The following ENPEP variants were observed in gnomAD, a reference collection of about 807,000 sequenced individuals.
The protein encoded by ENPEP is glutamyl aminopeptidase.
Under a neutral mutation model 114.5 loss-of-function variants are expected in ENPEP, and 103 were observed. The ratio of observed to expected loss-of-function variants is 0.90; its 90% CI spans 0.77 to 1.06. The LOEUF is 1.06. ENPEP is among the 50% of genes least tolerant of loss of function. ENPEP has a pLI of 0.00. For synonymous variants in ENPEP, 420 were observed against 422.0 expected, an observed-to-expected ratio of 1.00 and a Z score of 0.06; for missense variants, 1,196 against 1,161.3, an observed-to-expected ratio of 1.03 and a Z score of -0.43.
At chr4:110,558,294 A>ATATATATATATATATATATATATAT (rs1727558733) in intron 18 of ENPEP, among the ~76,000 whole-genome samples, 1 of 128,792 alleles carries the variant, frequency 7.8e-6, no homozygotes, top group African/African-American at 2.8e-5. Context: ...ATATATATAT[A>ATATATATATATATATATATATATAT]AATTTTTTTT....
Position 110,491,028 on chromosome 4 carries a change from A to C in ENPEP, c.787-5A>C. 2 of 1,599,840 alleles carry C rather than the reference A, an allele frequency of 1.3e-6. No homozygotes were observed. Among genetic ancestry groups the C allele is most frequent in the South Asian group, 2.3e-5 (2 of 87,722 alleles). The stretch of plus-strand genomic sequence containing the variant: ...CGATAAAAGTTTATCTTTTCTTTTC[A>C]ATAGAAAGAAGAGTCAGTGGATGAT... On this transcript the variant is annotated splice_region_variant and splice_polypyrimidine_tract_variant and intron_variant, in intron 2 of 19. Coordinates refer to ENST00000265162, the MANE Select transcript of ENPEP (RefSeq NM_001977.4).
At chr4:110,525,997 C>T (rs939430565) in intron 10 of ENPEP, among the ~76,000 whole-genome samples, 2 of 151,960 alleles carry the variant, frequency 1.3e-5, no homozygotes, top group Non-Finnish European at 2.9e-5. Flanking sequence ...AAACTATGGC[C>T]GGGCGTGGTG....
chr4:110,561,612 C>G lies in ENPEP; in HGVS notation c.*54C>G. On this transcript the variant is annotated 3_prime_UTR_variant, in exon 20 of 20. Transcript: ENST00000265162. ...TGAATCTATTGTTTCTCCTCTGAAG[C>G]ATTTGGTGGCCTAATTTACAAGCAC... is the stretch of plus-strand genomic sequence containing the variant. The G allele has an allele frequency of 6.5e-7, 1 of 1,543,728 alleles. No homozygotes were observed. Among genetic ancestry groups the G allele is most frequent in the Non-Finnish European group, 8.8e-7 (1 of 1,137,108 alleles).
In ENPEP at chr4:110,549,113, T is replaced by G. The variant is rs531379957; in HGVS notation, c.2152-233T>G. ...CTAAGAAATAGGGGTTAAAAGGGCC[T>G]TACCCAAAGTTTTATAAAACATTAC... On this transcript the variant is annotated intron_variant, in intron 14 of 19. Transcript: ENST00000265162. Among the ~76,000 whole-genome samples the G allele has an allele frequency of 3.9e-5, 6 of 152,182 alleles. 1 individual carries two copies. The highest frequency in any genetic ancestry group is 1.4e-4 in the African/African-American group (6 of 41,546).
chr4:110,557,962 C>A (rs1014977994), intron 18 of ENPEP, among the ~76,000 whole-genome samples: 1 of 149,590 alleles, frequency 6.7e-6, no homozygotes, highest in African/African-American at 2.5e-5. Flanking sequence ...AAAATATTTG[C>A]TCTTTATCAT....
chr4:110,476,487 G>A lies in ENPEP; in HGVS notation c.73G>A (p.Val25Met). ...GAAACATGTGGCCATTCTCTGTGCG[G>A]TGGTGGTGGGTGTAGGATTAATAGT... ...QTKHVAILCA[V>M]VVGVGLIVGL... Residue 25 changes from valine (V) to methionine (M), a missense_variant, in exon 1 of 20, where the codon GTG (valine) becomes ATG (methionine). Physicochemically the swap from Val to Met is conservative, Grantham distance 21. Coordinates refer to ENST00000265162, the MANE Select transcript of ENPEP (RefSeq NM_001977.4). 1 of 1,578,722 alleles carries A rather than the reference G, an allele frequency of 6.3e-7. No homozygotes were observed. The highest frequency in any genetic ancestry group is 8.6e-7 in the Non-Finnish European group (1 of 1,158,872).
intron 8 of ENPEP, among the ~76,000 whole-genome samples, chr4:110,516,128 A>G (rs1725758839): frequency 6.6e-6 from 1 of 152,200 alleles, no homozygotes. Context: ...TACTGAGTAC[A>G]AGACTTTTCC....
chr4:110,558,708 A>C (rs962420361), intron 18 of ENPEP, among the ~76,000 whole-genome samples: 1 of 152,136 alleles, frequency 6.6e-6, no homozygotes, highest in African/African-American at 2.4e-5. Context: ...GGTTTCTTGC[A>C]CTGTGATTAG....
At position 110,549,851 on chromosome 4, in the gene ENPEP, A is replaced by G; in HGVS notation, c.2466A>G (p.Gly822=). 1.2e-6 allele frequency: 2 copies of G among 1,612,700 alleles called. No homozygotes were observed. Among genetic ancestry groups the G allele is most frequent in the South Asian group, 2.2e-5 (2 of 90,990 alleles). The part of the protein sequence containing the change: ...LAQEKEKLLY[G]LASVKNVTLL... ...AAGAAAAAGAAAAACTGCTGTATGGATTAGCATCAGTGAAGAACGTTACTC... is the reference window on the plus strand; with the variant it reads ...AAGAAAAAGAAAAACTGCTGTATGGGTTAGCATCAGTGAAGAACGTTACTC... The change falls in exon 17 of 20, where the codon GGA becomes GGG. Residue 822 remains glycine, a synonymous_variant. Coordinates refer to ENST00000265162, the MANE Select transcript of ENPEP (RefSeq NM_001977.4).
Position 110,477,512 on chromosome 4 carries a change from AT to A in ENPEP, c.644+464del, listed in dbSNP as rs568753070. On this transcript the variant is annotated intron_variant, in intron 1 of 19. Transcript: ENST00000265162. Reference sequence around the variant, plus strand: ...GTAAATTTCAGTTATTATTTTGTCCATTTTTTTTTTGTCCAATGTCTCTTTT... The same window carrying A: ...GTAAATTTCAGTTATTATTTTGTCCATTTTTTTTTGTCCAATGTCTCTTTT... Among the ~76,000 whole-genome samples the A allele has an allele frequency of 6.3e-4, 94 of 148,866 alleles. 2 individuals are homozygous for A. Among genetic ancestry groups the A allele is most frequent in the Admixed American group, 4.0e-3 (60 of 14,942 alleles).
At chr4:110,507,609 A>G (rs1263511015) in intron 4 of ENPEP, among the ~76,000 whole-genome samples, 1 of 152,252 alleles carries the variant, frequency 6.6e-6, no homozygotes, top group African/African-American at 2.4e-5. Flanking sequence ...TCTTCAATGG[A>G]TACAATTCTA....
rs959427230 is a variant in ENPEP, at chr4:110,542,903, G to A, written c.1944+16G>A. 3 of 1,610,684 alleles carry A rather than the reference G, an allele frequency of 1.9e-6. No individual in the cohort carries two copies. The highest frequency in any genetic ancestry group is 2.5e-6 in the Non-Finnish European group (3 of 1,178,706). On this transcript the variant is annotated intron_variant, in intron 12 of 19. Transcript: ENST00000265162. ...GAACCACAAGGTAAGAGATAGCAATGGTTGGAAACTTTTATTTTTGTTCTA... is the reference window on the plus strand; with the variant it reads ...GAACCACAAGGTAAGAGATAGCAATAGTTGGAAACTTTTATTTTTGTTCTA...
chr4:110,548,139 GTTTTTTTTTTTTTTT>G lies in ENPEP; in HGVS notation c.2001-26_2001-12del. Reference sequence around the variant, plus strand: ...GTCTGTGGTTTTTAATTAACTGTGAGTTTTTTTTTTTTTTTTTTTTTTTTTGTCTTTCTCAGAGCT... The same window carrying G: ...GTCTGTGGTTTTTAATTAACTGTGAGTTTTTTTTTTGTCTTTCTCAGAGCT... On this transcript the variant is annotated intron_variant, in intron 13 of 19. Coordinates refer to ENST00000265162, the MANE Select transcript of ENPEP (RefSeq NM_001977.4). 3 of 688,170 alleles carry G rather than the reference GTTTTTTTTTTTTTTT, an allele frequency of 4.4e-6. 1 individual carries two copies. The highest frequency in any genetic ancestry group is 5.6e-6 in the Non-Finnish European group (3 of 537,618). The allele number at this position is 688,170 out of a possible 1,614,324, so 42.6% of individuals were successfully genotyped here. A position where few individuals can be genotyped will look rare whatever the true frequency, so the allele number is the denominator to read the frequency against.
At position 110,564,033 on chromosome 4, in the gene ENPEP, G is replaced by T. The variant is rs898850307; in HGVS notation, c.*2475G>T. The T allele has an allele frequency of 6.6e-6, 1 of 151,884 alleles. No individual in the cohort carries two copies. Among genetic ancestry groups the T allele is most frequent in the Non-Finnish European group, 1.5e-5 (1 of 67,970 alleles). The allele number at this position is 151,884 out of a possible 1,614,324, so 9.4% of individuals were successfully genotyped here. ...TGGGGGATGAGAAGGAAGTAGAAAA[G>T]AGGGGATTCAAATTACCAGTGGTGC... On this transcript the variant is annotated 3_prime_UTR_variant, in exon 20 of 20. Coordinates refer to ENST00000265162, the MANE Select transcript of ENPEP (RefSeq NM_001977.4).
intron 10 of ENPEP, among the ~76,000 whole-genome samples, chr4:110,521,772 T>A (rs1725999011): frequency 6.6e-6 from 1 of 152,072 alleles, no homozygotes; most frequent in Non-Finnish European, 1.5e-5. Context: ...AAAATAAATT[T>A]GGCAAATCCT....
In ENPEP at chr4:110,476,798, C is replaced by T; in HGVS notation, c.384C>T (p.Pro128=). 1.2e-6 allele frequency: 2 copies of T among 1,614,184 alleles called. No individual in the cohort carries two copies. The highest frequency in any genetic ancestry group is 4.5e-5 in the East Asian group (2 of 44,862). The stretch of plus-strand genomic sequence containing the variant: ...GCATCTCCATCAACCTGAGCGCTCC[C>T]ACCCGGTACCTGTGGCTGCACCTCC... ...TVSISINLSA[P]TRYLWLHLRE... Residue 128 remains proline, a synonymous_variant, in exon 1 of 20, where the codon CCC becomes CCT. Transcript: ENST00000265162.
chr4:110,491,124 A>G lies in ENPEP; in HGVS notation c.878A>G (p.Gln293Arg), dbSNP rs377420203. Residue 293 changes from glutamine (Q) to arginine (R), a missense_variant, in exon 3 of 20, where the codon CAA becomes CGA. Coordinates refer to ENST00000265162, the MANE Select transcript of ENPEP (RefSeq NM_001977.4). ...TACCTGGTGTGCTTTGCTGTACATC[A>G]ATTTGACTCTGTAAAGAGAATATCA... ...STYLVCFAVHQFDSVKRISNS... is the reference protein window; with the variant it reads ...STYLVCFAVHRFDSVKRISNS... 1.7e-5 allele frequency: 27 copies of G among 1,611,636 alleles called. No homozygotes were observed. The highest frequency in any genetic ancestry group is 2.3e-5 in the Non-Finnish European group (27 of 1,179,814).
In ENPEP at chr4:110,542,733, GT is replaced by G; in HGVS notation, c.1808-15del. On this transcript the variant is annotated splice_polypyrimidine_tract_variant and intron_variant, in intron 11 of 19. Transcript: ENST00000265162. ...GCATGCAAACATGTTGCTCATTAGT[GT>G]TTATTTACTACTACAGGAATCACTT... is the stretch of plus-strand genomic sequence containing the variant. 6.2e-7 allele frequency: 1 copy of G among 1,603,100 alleles called. No homozygotes were observed. Among genetic ancestry groups the G allele is most frequent in the East Asian group, 2.2e-5 (1 of 44,656 alleles).
At chr4:110,557,327 A>C in intron 18 of ENPEP, among the ~76,000 whole-genome samples, 1 of 152,230 alleles carries the variant, frequency 6.6e-6, no homozygotes, top group East Asian at 1.9e-4. Flanking sequence ...ATCGGAAATA[A>C]GGTTAAGGAA....
Sources: gnomAD v4.1 joint callset for allele counts (sites outside exome capture counted in the v4.1 genomes callset) on GRCh38, gnomAD v4.1.1 for gene constraint, MANE v1.5 for transcripts, NCBI Gene and HGNC (gene_info 2026-07-23, HGNC 2026-07-21) for gene names.